EPB41L4A: variants seen among roughly 807,000 people sequenced by gnomAD.
EPB41L4A encodes the protein band 4.1-like protein 4A.
In EPB41L4A, 100 loss-of-function variants were observed where a neutral mutation model predicts 108.6. The ratio of observed to expected loss-of-function variants is 0.92; its 90% CI spans 0.78 to 1.09. EPB41L4A has a LOEUF of 1.09. Ranked by LOEUF, EPB41L4A falls within the 50% of genes least tolerant of loss-of-function variation. The pLI is 0.00. For missense variants in EPB41L4A, 1,030 were observed against 842.7 expected, an observed-to-expected ratio of 1.22 and a Z score of -2.75; for synonymous variants, 319 against 289.0, an observed-to-expected ratio of 1.10 and a Z score of -1.05.
At chr5:112,158,554 C>A, downstream of EPB41L4A, 1 of 185,772 alleles carries the variant, frequency 5.4e-6, no homozygotes, top group Non-Finnish European at 1.2e-5. Context: ...CATGCTGCTG[C>A]CAATCAAGAC....
chr5:112,164,934 A>G lies in EPB41L4A; in HGVS notation c.*56T>C, dbSNP rs933527098. On this transcript the variant is annotated 3_prime_UTR_variant, in exon 23 of 23. Coordinates refer to ENST00000261486, the MANE Select transcript of EPB41L4A (RefSeq NM_022140.5). ...TTAAGATACCTATTTCACAGTTTCA[A>G]AAGTACCAGTGGCGCACACAACCTT... is the stretch of plus-strand genomic sequence containing the variant. The G allele has an allele frequency of 9.4e-6, 14 of 1,493,588 alleles. No homozygotes were observed. The African/African-American group carries it at 1.7e-4, about 18-fold the overall frequency. The allele number at this position is 1,493,588 out of a possible 1,614,324, so 92.5% of individuals were successfully genotyped here.
At chr5:112,376,471 G>C (rs1324129079) in intron 1 of EPB41L4A, among the ~76,000 whole-genome samples, 1 of 152,194 alleles carries the variant, frequency 6.6e-6, no homozygotes, top group Non-Finnish European at 1.5e-5. Flanking sequence ...AAACAGTTTG[G>C]CGGTTTCTTA....
At chr5:112,279,154 T>C (rs1022187459) in intron 3 of EPB41L4A, among the ~76,000 whole-genome samples, 3 of 151,934 alleles carry the variant, frequency 2.0e-5, no homozygotes, top group Non-Finnish European at 4.4e-5. Context: ...GCTAGAGCTG[T>C]AACTTGTAAA....
intron 1 of EPB41L4A, among the ~76,000 whole-genome samples, chr5:112,390,150 C>G (rs1760837286): frequency 6.6e-6 from 1 of 152,188 alleles, no homozygotes; most frequent in Non-Finnish European, 1.5e-5. Flanking sequence ...CGGGTGACTT[C>G]TGCATTTCCA....
chr5:112,204,626 G>A, intron 14 of EPB41L4A, 138 bp from the exon 15 acceptor site: 1 of 506,578 alleles, frequency 2.0e-6, no homozygotes, highest in Non-Finnish European at 3.6e-6. Context: ...TCTCTTTGCT[G>A]ACAAGATTTA....
intron 2 of EPB41L4A, among the ~76,000 whole-genome samples, chr5:112,293,317 G>A (rs1321493848): frequency 6.6e-6 from 1 of 150,752 alleles, no homozygotes; most frequent in African/African-American, 2.5e-5. Flanking sequence ...TTGTGACCCA[G>A]GCATTAAGCC....
At chr5:112,290,455 A>G (rs768080757) in intron 2 of EPB41L4A, among the ~76,000 whole-genome samples, 18 of 152,196 alleles carry the variant, frequency 1.2e-4, no homozygotes, top group Non-Finnish European at 1.9e-4. Context: ...TTTCTTCCTA[A>G]AATGAAAATA....
intron 12 of EPB41L4A, among the ~76,000 whole-genome samples, chr5:112,218,676 T>C (rs1240529194): frequency 6.6e-6 from 1 of 152,210 alleles, no homozygotes; most frequent in Non-Finnish European, 1.5e-5. Flanking sequence ...AATGCAAATA[T>C]AAACTAAGCA....
chr5:112,326,705 C>T (rs1330816574), intron 1 of EPB41L4A, among the ~76,000 whole-genome samples: 1 of 152,180 alleles, frequency 6.6e-6, no homozygotes, highest in Admixed American at 6.5e-5. Context: ...CTCTCCTGAA[C>T]TCGCCCACTG....
At chr5:112,336,989 G>A (rs1177748934) in intron 1 of EPB41L4A, among the ~76,000 whole-genome samples, 2 of 152,096 alleles carry the variant, frequency 1.3e-5, no homozygotes, top group Non-Finnish European at 2.9e-5. Context: ...ATTTCACAGT[G>A]CCATTGAGAA....
chr5:112,309,389 C>A (rs1580657067), intron 1 of EPB41L4A, among the ~76,000 whole-genome samples: 1 of 152,240 alleles, frequency 6.6e-6, no homozygotes, highest in Middle Eastern at 3.4e-3. Context: ...ACCAGCTACC[C>A]AATTGAATAA....
Position 112,168,712 on chromosome 5 carries a change from C to T in EPB41L4A, c.1932+27G>A, listed in dbSNP as rs572106322. On this transcript the variant is annotated intron_variant, in intron 22 of 22. Coordinates refer to ENST00000261486, the MANE Select transcript of EPB41L4A (RefSeq NM_022140.5). ...TCTCAAAATTGTCATCAATACAACA[C>T]CTTCTTCAAACCTTACTATTACTAA... is the stretch of plus-strand genomic sequence containing the variant. 7.6e-6 allele frequency: 12 copies of T among 1,585,696 alleles called. No homozygotes were observed. The East Asian group carries it at 2.5e-4, about 33-fold the overall frequency.
rs78088830 is a variant in EPB41L4A, at chr5:112,340,300, G to C, written c.100-32810C>G. On this transcript the variant is annotated intron_variant, in intron 1 of 22. Coordinates refer to ENST00000261486, the MANE Select transcript of EPB41L4A (RefSeq NM_022140.5). ...TGCATCAGAGTCAACCGATGGCCTT[G>C]TTGAAACAGACTGCTAGGCTCCACC... Among the ~76,000 whole-genome samples the C allele has an allele frequency of 6.7e-3, 1,027 of 152,302 alleles. 11 individuals carry two copies. Among genetic ancestry groups the C allele is most frequent in the African/African-American group, 0.023 (948 of 41,562 alleles).
rs571595457 is a variant in EPB41L4A, at chr5:112,220,619, G to C, written c.1088-10637C>G. ...CCCAAGTACATCTTAGAAAGCCTCT[G>C]TGTGTTGCCCTCCCCACCTGACTCA... On this transcript the variant is annotated intron_variant, in intron 12 of 22. Coordinates refer to ENST00000261486, the MANE Select transcript of EPB41L4A (RefSeq NM_022140.5). Among the ~76,000 whole-genome samples the C allele has an allele frequency of 5.3e-5, 8 of 152,272 alleles. No homozygotes were observed. The South Asian group carries it at 1.7e-3, about 32-fold the overall frequency.
In EPB41L4A at chr5:112,381,665, G is replaced by A. The variant is rs1417414904; in HGVS notation, c.99+37276C>T. ...AACAAGGCTGAGTTGCAGAAGCAACGACAAAGGTCAAGTCCTGAAGCTGGG... is the reference window on the plus strand; with the variant it reads ...AACAAGGCTGAGTTGCAGAAGCAACAACAAAGGTCAAGTCCTGAAGCTGGG... On this transcript the variant is annotated intron_variant, in intron 1 of 22. Coordinates refer to ENST00000261486, the MANE Select transcript of EPB41L4A (RefSeq NM_022140.5). Among the ~76,000 whole-genome samples the A allele has an allele frequency of 2.6e-5, 4 of 152,368 alleles. 1 individual carries two copies. The South Asian group carries it at 6.2e-4, about 24-fold the overall frequency.
chr5:112,416,632 T>C (rs1291072846), intron 1 of EPB41L4A, among the ~76,000 whole-genome samples: 1 of 152,218 alleles, frequency 6.6e-6, no homozygotes, highest in East Asian at 1.9e-4. Context: ...TAATGGTAGC[T>C]ACTGGCTATT....
chr5:112,289,406 G>A (rs190850462), intron 2 of EPB41L4A, among the ~76,000 whole-genome samples: 1,565 of 152,198 alleles, frequency 0.01, 17 homozygotes, highest in Middle Eastern at 0.017. Flanking sequence ...GGTAATCCAG[G>A]AAAAACTTTG....
chr5:112,204,632 A>G (rs972901359), intron 14 of EPB41L4A, 144 bp from the exon 15 acceptor site: 4 of 501,406 alleles, frequency 8.0e-6, no homozygotes, highest in Non-Finnish European at 1.4e-5. Flanking sequence ...TGCTGACAAG[A>G]TTTATTAAAA....
intron 1 of EPB41L4A, among the ~76,000 whole-genome samples, chr5:112,392,489 C>A (rs1461605308): frequency 6.8e-6 from 1 of 147,406 alleles, no homozygotes; most frequent in African/African-American, 2.5e-5. Context: ...AAAAGAAACA[C>A]AGAAGGCCAT....
Sources: allele counts gnomAD v4.1 joint callset (sites outside exome capture counted in the v4.1 genomes callset), GRCh38; gene constraint gnomAD v4.1.1; transcripts MANE v1.5; gene names NCBI Gene and HGNC (gene_info 2026-07-23, HGNC 2026-07-21).